Variants in PTPRB observed in about 807,000 individuals in gnomAD.
The protein encoded by PTPRB is receptor-type tyrosine-protein phosphatase beta.
Under a neutral mutation model 238.1 loss-of-function variants are expected in PTPRB, and 97 were observed. The observed-to-expected ratio is 0.41, with a 90% CI of 0.35 to 0.48. The LOEUF is 0.48. Among genes scored for constraint, PTPRB ranks in the 20% least tolerant of loss-of-function variants. The probability of loss-of-function intolerance (pLI) is 0.30; values close to 1 mark genes in which losing one functional copy is unlikely to be tolerated. For synonymous variants in PTPRB, 970 were observed against 995.4 expected (o/e 0.97, Z 0.48); for missense variants, 2,292 against 2,681.9 (o/e 0.85, Z 3.21).
chr12:70,557,919 G>T (rs1016495236), intron 18 of PTPRB, among the ~76,000 whole-genome samples: 9 of 152,190 alleles, frequency 5.9e-5, no homozygotes, highest in African/African-American at 2.2e-4. Context: ...TTAGCCAACT[G>T]CCCTCCATTG....
chr12:70,634,036 A>G (rs950500628), intron 2 of PTPRB, among the ~76,000 whole-genome samples: 1 of 152,230 alleles, frequency 6.6e-6, no homozygotes, highest in African/African-American at 2.4e-5. Flanking sequence ...TTTCTGATAA[A>G]GTTGAATTTT....
chr12:70,602,169 T>A (rs1246171184), intron 4 of PTPRB, among the ~76,000 whole-genome samples: 1 of 152,186 alleles, frequency 6.6e-6, no homozygotes, highest in East Asian at 1.9e-4. Context: ...TTAAAGATGA[T>A]GCATTAAATT....
chr12:70,614,798 T>C (rs1304884820), intron 3 of PTPRB, among the ~76,000 whole-genome samples: 2 of 152,200 alleles, frequency 1.3e-5, no homozygotes, highest in Non-Finnish European at 2.9e-5. Flanking sequence ...GGCTCAATAG[T>C]AAATTCTGGC....
chr12:70,580,977 T>G, intron 10 of PTPRB, 59 bp downstream of exon 10: 1 of 1,531,198 alleles, frequency 6.5e-7, no homozygotes, highest in Non-Finnish European at 8.9e-7. Context: ...ATATTCTGAT[T>G]AGGGGTCTCA....
rs746695249 is a variant in PTPRB, at chr12:70,571,826, G to A, written c.3104C>T (p.Thr1035Ile). 1 of 1,608,922 alleles carries A rather than the reference G, an allele frequency of 6.2e-7. No individual in the cohort carries two copies. The highest frequency in any genetic ancestry group is 8.5e-7 in the Non-Finnish European group (1 of 1,177,010). The change falls in exon 12 of 34, where the codon ACA becomes ATA. Residue 1035 changes from threonine to isoleucine, a missense_variant and splice_region_variant. By Grantham distance (89) the Thr-to-Ile change is moderately conservative. Around this residue, in one of 4 missense-constraint regions of PTPRB, gnomAD observed 1,205 missense variants for 1,287.8 expected, o/e 0.94. Coordinates refer to ENST00000334414, the MANE Select transcript of PTPRB (RefSeq NM_001109754.4). Reference protein sequence around the residue: ...YEANEQGNGRTIPEPVKDLTL... With the variant: ...YEANEQGNGRIIPEPVKDLTL... Reference sequence around the variant, plus strand: ...GATTTTGCAATCGTTCCACTTACTTGTTCTCCCATTCCCTTGTTCATTGGC... The same window carrying A: ...GATTTTGCAATCGTTCCACTTACTTATTCTCCCATTCCCTTGTTCATTGGC...
chr12:70,627,735 T>C (rs1885269825), intron 2 of PTPRB, among the ~76,000 whole-genome samples: 1 of 152,114 alleles, frequency 6.6e-6, no homozygotes, highest in Admixed American at 6.6e-5. Flanking sequence ...TTTTCAGACA[T>C]TATATTTAAA....
intron 3 of PTPRB, among the ~76,000 whole-genome samples, chr12:70,621,476 T>C (rs1884930012): frequency 1.3e-5 from 2 of 152,146 alleles, no homozygotes; most frequent in Admixed American, 1.3e-4. Flanking sequence ...AAGGAAGAAC[T>C]AGGTCACAGG....
chr12:70,539,158 C>A, intron 26 of PTPRB, 144 bp from the exon 27 acceptor site: 1 of 679,466 alleles, frequency 1.5e-6, no homozygotes, highest in Admixed American at 2.4e-5. Context: ...TGCATTAGCC[C>A]TGATCCCCAC....
intron 7 of PTPRB, chr12:70,591,966 T>TTA (rs1459494245): frequency 3.2e-5 from 11 of 347,520 alleles, no homozygotes; most frequent in Non-Finnish European, 4.8e-5. Flanking sequence ...CATGGTTAAA[T>TTA]GCTAACTGGT....
intron 3 of PTPRB, among the ~76,000 whole-genome samples, chr12:70,618,980 G>A (rs1361654357): frequency 6.6e-6 from 1 of 152,146 alleles, no homozygotes; most frequent in African/African-American, 2.4e-5. Flanking sequence ...GATGTGAGAA[G>A]AGAGAGAGAA....
At chr12:70,559,719 G>T in intron 17 of PTPRB, 95 bp from the exon 18 acceptor site, 1 of 1,175,596 alleles carries the variant, frequency 8.5e-7, no homozygotes, top group Non-Finnish European at 1.2e-6. Context: ...CACTTTTAAT[G>T]TACTTTGTAG....
chr12:70,622,384 T>C lies in PTPRB; in HGVS notation c.708+6A>G. The C allele has an allele frequency of 6.2e-7, 1 of 1,611,330 alleles. No individual in the cohort carries two copies. The highest frequency in any genetic ancestry group is 8.5e-7 in the Non-Finnish European group (1 of 1,179,300). ...AGACCACACTCCACACACCCCCTCCTTTTACCTCTTCAGTGGTGCTGGAGA... is the reference window on the plus strand; with the variant it reads ...AGACCACACTCCACACACCCCCTCCCTTTACCTCTTCAGTGGTGCTGGAGA... On this transcript the variant is annotated splice_donor_region_variant and intron_variant, in intron 3 of 33. Coordinates refer to ENST00000334414, the MANE Select transcript of PTPRB (RefSeq NM_001109754.4).
At position 70,559,630 on chromosome 12, in the gene PTPRB, T is replaced by G; in HGVS notation, c.4433-6A>C. 1 of 1,598,596 alleles carries G rather than the reference T, an allele frequency of 6.3e-7. No homozygotes were observed. ...AAGACTGGGAGGACTTGGAGCTGAA[T>G]GTAGGAGAAAGTGAAAAATCACATA... is the stretch of plus-strand genomic sequence containing the variant. On this transcript the variant is annotated splice_polypyrimidine_tract_variant and splice_region_variant and intron_variant, in intron 17 of 33. Coordinates refer to ENST00000334414, the MANE Select transcript of PTPRB (RefSeq NM_001109754.4).
At position 70,560,894 on chromosome 12, in the gene PTPRB, G is replaced by A. The variant is rs1326988078; in HGVS notation, c.4209C>T (p.Asn1403=). 6.2e-7 allele frequency: 1 copy of A among 1,613,568 alleles called. No individual in the cohort carries two copies. Among genetic ancestry groups the A allele is most frequent in the East Asian group, 2.2e-5 (1 of 44,864 alleles). Residue 1403 remains asparagine, a synonymous_variant, in exon 17 of 34, where the codon AAC becomes AAT. Transcript: ENST00000334414. This position sits in a 1 kb window ranked among gnomAD's most constrained non-coding sequence, Gnocchi z 4.2. ...SVSHLRGSNR[N]TTDSLWFNWS... is the part of the protein sequence containing the mutation. Reference sequence around the variant, plus strand: ...AGTTGAACCAAAGGCTGTCTGTCGTGTTCCGATTGGACCCCCTGAGATGAC... The same window carrying A: ...AGTTGAACCAAAGGCTGTCTGTCGTATTCCGATTGGACCCCCTGAGATGAC...
At chr12:70,540,048 A>G (rs1874816848) in intron 23 of PTPRB, 26 bp from the exon 24 acceptor site, 1 of 1,559,958 alleles carries the variant, frequency 6.4e-7, no homozygotes, top group African/African-American at 1.4e-5. Flanking sequence ...GATAACTTTT[A>G]TTCTGATTAT....
intron 32 of PTPRB, among the ~76,000 whole-genome samples, chr12:70,530,690 G>C (rs1032603238): frequency 2.0e-5 from 3 of 152,150 alleles, no homozygotes; most frequent in African/African-American, 7.2e-5. Flanking sequence ...AGAAGCAGGG[G>C]TTTGGGTACA....
chr12:70,619,242 T>C (rs2136570876), intron 3 of PTPRB, among the ~76,000 whole-genome samples: 1 of 151,490 alleles, frequency 6.6e-6, no homozygotes, highest in East Asian at 1.9e-4. Flanking sequence ...TTGGGCAAGT[T>C]CCTTTTTAAG....
chr12:70,626,830 G>A (rs1885227554), intron 2 of PTPRB, among the ~76,000 whole-genome samples: 1 of 151,916 alleles, frequency 6.6e-6, no homozygotes, highest in African/African-American at 2.4e-5. Context: ...AGATGGGAAT[G>A]ATAATGGACT....
rs1006069357 is a variant in PTPRB at position 70,609,414 on chromosome 12, C to A, written c.709-75G>T. The A allele has an allele frequency of 2.5e-4, 372 of 1,510,344 alleles. No homozygotes were observed. In the Admixed American group the frequency reaches 2.5e-3, roughly 10 times the overall value. The allele number at this position is 1,510,344 out of a possible 1,614,324, so 93.6% of individuals were successfully genotyped here. On this transcript the variant is annotated intron_variant, in intron 3 of 33. Transcript: ENST00000334414. Reference sequence around the variant, plus strand: ...AGGGACATGTCCACAGCAAGCTCCTCAAGCCACACTTTCTCCTCTACTTAT... The same window carrying A: ...AGGGACATGTCCACAGCAAGCTCCTAAAGCCACACTTTCTCCTCTACTTAT...
Sources: allele counts gnomAD v4.1 joint callset (sites outside exome capture counted in the v4.1 genomes callset), GRCh38; gene constraint gnomAD v4.1.1; regional missense constraint gnomAD v4.1.1; non-coding constraint Gnocchi (gnomAD v3.1); transcripts MANE v1.5; gene names NCBI Gene and HGNC (gene_info 2026-07-23, HGNC 2026-07-21).